The following RAB31 variants were observed in gnomAD, a reference collection of about 807,000 sequenced individuals.
The protein encoded by RAB31 is ras-related protein Rab-31.
A neutral mutation model predicts 25.6 loss-of-function variants in RAB31; 21 were observed. That is an observed-to-expected ratio of 0.82 (90% CI 0.58 to 1.18). The LOEUF (loss-of-function observed/expected upper bound fraction) is 1.18, where lower values mean the gene tolerates loss of function less well. Among genes scored for constraint, RAB31 ranks in the 50% most tolerant of loss-of-function variants. The pLI, the probability that RAB31 is intolerant of heterozygous loss-of-function variation, is 0.00. For synonymous variants in RAB31, 87 were observed against 84.0 expected (o/e 1.04, Z -0.20); for missense variants, 196 against 250.1 (o/e 0.78, Z 1.46).
chr18:9,803,324 C>T (rs2068523535), intron 3 of RAB31, among the ~76,000 whole-genome samples: 1 of 151,668 alleles, frequency 6.6e-6, no homozygotes, highest in Admixed American at 6.6e-5. Flanking sequence ...CAGCCTTGAC[C>T]TCCTGGACTC....
intron 1 of RAB31, among the ~76,000 whole-genome samples, chr18:9,755,610 G>A (rs1599025759): frequency 6.6e-6 from 1 of 152,300 alleles, no homozygotes; most frequent in Admixed American, 6.5e-5. Context: ...CTTGGGCTGG[G>A]GAACAGTTGA....
rs541024819 is a variant in RAB31, at chr18:9,740,881, C to T, written c.39+32437C>T. Among the ~76,000 whole-genome samples, 62 of 152,270 alleles carry T rather than the reference C, an allele frequency of 4.1e-4. 1 individual carries two copies. The highest frequency in any genetic ancestry group is 4.0e-3 in the Admixed American group (61 of 15,296). On this transcript the variant is annotated intron_variant, in intron 1 of 6. Coordinates refer to ENST00000578921, the MANE Select transcript of RAB31 (RefSeq NM_006868.4). ...GTTGCTGCACAGGGGTCTCTAATGGCAGAGGTGCCTCCAGGGGGCTTTGAT... is the reference window on the plus strand; with the variant it reads ...GTTGCTGCACAGGGGTCTCTAATGGTAGAGGTGCCTCCAGGGGGCTTTGAT...
At chr18:9,828,564 T>A (rs749263123) in intron 5 of RAB31, among the ~76,000 whole-genome samples, 1 of 152,236 alleles carries the variant, frequency 6.6e-6, no homozygotes, top group African/African-American at 2.4e-5. Context: ...TCACTTGTTT[T>A]ACATTTTTGG....
chr18:9,814,250 G>GGGGA (rs2068589956), intron 4 of RAB31, among the ~76,000 whole-genome samples, 159 bp downstream of exon 4: 1 of 152,094 alleles, frequency 6.6e-6, no homozygotes, highest in Admixed American at 6.6e-5. Context: ...ATATTTATCT[G>GGGGA]CTAAATTAAA....
chr18:9,824,997 T>C (rs1486793425), intron 5 of RAB31, among the ~76,000 whole-genome samples: 1 of 152,200 alleles, frequency 6.6e-6, no homozygotes, highest in Non-Finnish European at 1.5e-5. Flanking sequence ...CCATGAATGT[T>C]CTGGTCACAG....
chr18:9,737,755 C>T lies in RAB31; in HGVS notation c.39+29311C>T, dbSNP rs113178680. ...AGAGCAAATTGTCCTATGCCCATTACAGAATCTCAAGTAATGATGGTTGGT... is the reference window on the plus strand; with the variant it reads ...AGAGCAAATTGTCCTATGCCCATTATAGAATCTCAAGTAATGATGGTTGGT... On this transcript the variant is annotated intron_variant, in intron 1 of 6. Coordinates refer to ENST00000578921, the MANE Select transcript of RAB31 (RefSeq NM_006868.4). 2.0e-3 allele frequency among the ~76,000 whole-genome samples: 308 copies of T among 152,310 alleles called. 3 individuals are homozygous for T. The highest frequency in any genetic ancestry group is 6.8e-3 in the African/African-American group (284 of 41,578).
At chr18:9,850,016 A>G (rs191350644) in intron 6 of RAB31, among the ~76,000 whole-genome samples, 15 of 152,356 alleles carry the variant, frequency 9.8e-5, no homozygotes, top group African/African-American at 3.1e-4. Context: ...TGTCTCAATC[A>G]GTTGGCATGC....
chr18:9,774,592 G>A (rs1315469021), intron 1 of RAB31, among the ~76,000 whole-genome samples: 1 of 152,062 alleles, frequency 6.6e-6, no homozygotes, highest in Non-Finnish European at 1.5e-5. Flanking sequence ...CTATCTCTTT[G>A]ACTTTGTGAA....
chr18:9,832,657 C>G (rs1361388371), intron 5 of RAB31, among the ~76,000 whole-genome samples: 1 of 152,194 alleles, frequency 6.6e-6, no homozygotes, highest in Admixed American at 6.5e-5. Context: ...GCAGTAGGGA[C>G]CACGTGGAGG....
chr18:9,733,881 T>C (rs1005844746), intron 1 of RAB31, among the ~76,000 whole-genome samples: 6 of 151,598 alleles, frequency 4.0e-5, no homozygotes, highest in Admixed American at 3.9e-4. Flanking sequence ...AGAAAAAAAA[T>C]AGGAGGCATG....
chr18:9,768,086 A>G (rs1330393885), intron 1 of RAB31, among the ~76,000 whole-genome samples: 1 of 152,254 alleles, frequency 6.6e-6, no homozygotes, highest in Non-Finnish European at 1.5e-5. Context: ...TCCATGATGT[A>G]CATGTGCCAC....
intron 3 of RAB31, among the ~76,000 whole-genome samples, chr18:9,804,012 A>G (rs1599045476): frequency 6.6e-6 from 1 of 152,242 alleles, no homozygotes; most frequent in Non-Finnish European, 1.5e-5. Flanking sequence ...GAAACACTGT[A>G]AACAGCTCTG....
At chr18:9,828,030 G>A (rs535094957) in intron 5 of RAB31, among the ~76,000 whole-genome samples, 1 of 152,298 alleles carries the variant, frequency 6.6e-6, no homozygotes, top group South Asian at 2.1e-4. Context: ...GACGACATGC[G>A]TCCCAGGTGA....
Position 9,838,847 on chromosome 18 carries a change from T to C in RAB31, c.381-6735T>C, listed in dbSNP as rs188472790. 2.8e-4 allele frequency among the ~76,000 whole-genome samples: 42 copies of C among 152,284 alleles called. No homozygotes were observed. The Middle Eastern group carries it at 0.01, about 37-fold the overall frequency. On this transcript the variant is annotated intron_variant, in intron 5 of 6. Coordinates refer to ENST00000578921, the MANE Select transcript of RAB31 (RefSeq NM_006868.4). ...CCTCAAAGCCTCCCTCCCAGCCCAC[T>C]TGGAAGGCTGGGTGAGCCTCTTGTC...
At chr18:9,825,768 A>G (rs1415374761) in intron 5 of RAB31, among the ~76,000 whole-genome samples, 1 of 152,216 alleles carries the variant, frequency 6.6e-6, no homozygotes, top group African/African-American at 2.4e-5. Context: ...TTCCTGGAGA[A>G]TGAAAACAAT....
intron 1 of RAB31, among the ~76,000 whole-genome samples, chr18:9,746,364 A>G (rs936630197): frequency 4.0e-5 from 6 of 149,166 alleles, no homozygotes; most frequent in Non-Finnish European, 7.4e-5. Flanking sequence ...AACAGATTCA[A>G]TGCAATATCT....
At chr18:9,751,742 T>A (rs1314000021) in intron 1 of RAB31, among the ~76,000 whole-genome samples, 1 of 152,198 alleles carries the variant, frequency 6.6e-6, no homozygotes, top group African/African-American at 2.4e-5. Flanking sequence ...CATTTAATGA[T>A]GTAACGGCAA....
chr18:9,842,300 T>C (rs1352580617), intron 5 of RAB31, among the ~76,000 whole-genome samples: 5 of 152,038 alleles, frequency 3.3e-5, no homozygotes, highest in Non-Finnish European at 7.4e-5. Context: ...CCTCTAACCA[T>C]GTGGTTGATT....
chr18:9,841,798 T>A (rs1568194007), intron 5 of RAB31, among the ~76,000 whole-genome samples: 1 of 152,172 alleles, frequency 6.6e-6, no homozygotes, highest in Non-Finnish European at 1.5e-5. Context: ...ACATGTCATG[T>A]AAGGATTAAA....
Sources: gnomAD v4.1 joint callset for allele counts (sites outside exome capture counted in the v4.1 genomes callset) on GRCh38, gnomAD v4.1.1 for gene constraint, MANE v1.5 for transcripts, NCBI Gene and HGNC (gene_info 2026-07-23, HGNC 2026-07-21) for gene names.